Variants in CLASP2 observed in about 807,000 individuals in gnomAD.
CLASP2 encodes the protein CLIP-associating protein 2.
CLASP2 carries 47 observed loss-of-function variants against 194.4 expected under a neutral mutation model. The ratio of observed to expected loss-of-function variants is 0.24; its 90% CI spans 0.19 to 0.31. The LOEUF (loss-of-function observed/expected upper bound fraction) is 0.31. CLASP2 is among the 10% of genes least tolerant of loss of function. CLASP2 has a pLI of 1.00. For missense variants in CLASP2, 1,445 were observed against 1,823.6 expected, an observed-to-expected ratio of 0.79 and a Z score of 3.78; for synonymous variants, 619 against 633.5, an observed-to-expected ratio of 0.98 and a Z score of 0.34.
At chr3:33,573,523 G>A in intron 24 of CLASP2, 169 bp from the exon 25 acceptor site, 1 of 752,596 alleles carries the variant, frequency 1.3e-6, no homozygotes, top group Non-Finnish European at 2.3e-6. Flanking sequence ...CAGAAAACAA[G>A]TTTTAGAAGT....
chr3:33,681,124 CAAAAAA>C (rs10710771), intron 6 of CLASP2, among the ~76,000 whole-genome samples: 1 of 96,094 alleles, frequency 1.0e-5, no homozygotes, highest in Non-Finnish European at 2.2e-5. Flanking sequence ...GACTCCATCT[CAAAAAA>C]AAAAAAAAAA....
chr3:33,574,589 GAT>G (rs2064440501), intron 24 of CLASP2: 1 of 667,324 alleles, frequency 1.5e-6, no homozygotes, highest in Non-Finnish European at 2.5e-6. Flanking sequence ...CAATGCCTAT[GAT>G]CAGAAACATT....
At chr3:33,547,570 A>T (rs1026906783) in intron 30 of CLASP2, among the ~76,000 whole-genome samples, 1 of 152,162 alleles carries the variant, frequency 6.6e-6, no homozygotes, top group Non-Finnish European at 1.5e-5. Flanking sequence ...CATATTCATA[A>T]AGAGATGCTG....
intron 7 of CLASP2, among the ~76,000 whole-genome samples, chr3:33,658,342 C>A (rs965283947): frequency 2.0e-5 from 3 of 151,970 alleles, no homozygotes; most frequent in Non-Finnish European, 4.4e-5. Flanking sequence ...AACTATAATG[C>A]CTAATAAGGC....
intron 18 of CLASP2, among the ~76,000 whole-genome samples, chr3:33,599,503 C>G (rs958390127): frequency 1.3e-5 from 2 of 152,134 alleles, no homozygotes; most frequent in African/African-American, 4.8e-5. Flanking sequence ...ACTTCAAACT[C>G]AAAATGCATA....
intron 1 of CLASP2, among the ~76,000 whole-genome samples, chr3:33,697,565 C>G (rs891967916): frequency 6.6e-6 from 1 of 152,154 alleles, no homozygotes; most frequent in African/African-American, 2.4e-5. Context: ...CCATCATTGA[C>G]CACAATGTTG....
chr3:33,700,751 G>A (rs761733982), intron 1 of CLASP2, among the ~76,000 whole-genome samples: 3 of 152,162 alleles, frequency 2.0e-5, no homozygotes, highest in East Asian at 1.9e-4. Flanking sequence ...TCGGGAGGCC[G>A]AGGCAGGAGA....
intron 29 of CLASP2, among the ~76,000 whole-genome samples, chr3:33,552,221 C>A (rs963932266): frequency 6.6e-6 from 1 of 150,448 alleles, no homozygotes; most frequent in East Asian, 2.0e-4. Flanking sequence ...TGGGTTCAAA[C>A]GGCTCTCCTG....
chr3:33,559,130 A>C (rs543250151), intron 29 of CLASP2, 177 bp downstream of exon 29: 1 of 691,808 alleles, frequency 1.4e-6, no homozygotes, highest in East Asian at 2.7e-5. Context: ...AAAACCTTGG[A>C]GCTCCAAAAA....
intron 6 of CLASP2, among the ~76,000 whole-genome samples, chr3:33,672,610 G>A (rs1014685569): frequency 6.6e-6 from 1 of 152,226 alleles, no homozygotes; most frequent in East Asian, 1.9e-4. Context: ...ACTTTGACGA[G>A]TTGACAGAAG....
At chr3:33,508,167 A>G (rs1439721676) in intron 37 of CLASP2, among the ~76,000 whole-genome samples, 1 of 151,876 alleles carries the variant, frequency 6.6e-6, no homozygotes, top group Non-Finnish European at 1.5e-5. Flanking sequence ...CAACCCAGGT[A>G]AGAAAACCTG....
intron 10 of CLASP2, among the ~76,000 whole-genome samples, chr3:33,624,597 A>G (rs2077678827): frequency 6.6e-6 from 1 of 152,100 alleles, no homozygotes. Context: ...TTTTTTTTCT[A>G]TACATATTTA....
At chr3:33,574,869 T>G (rs746560650) in intron 24 of CLASP2, among the ~76,000 whole-genome samples, 4 of 152,170 alleles carry the variant, frequency 2.6e-5, no homozygotes, top group Non-Finnish European at 5.9e-5. Flanking sequence ...AAGTGGAACT[T>G]CTGTGCTCTG....
intron 26 of CLASP2, 75 bp from the exon 27 acceptor site, chr3:33,566,809 C>G (rs1371507384): frequency 2.4e-6 from 1 of 416,568 alleles, no homozygotes; most frequent in Middle Eastern, 6.6e-4. Context: ...ACAAATTAGT[C>G]GCCATCAATG....
chr3:33,659,101 A>G (rs2084835330), intron 7 of CLASP2: 10 of 1,492,872 alleles, frequency 6.7e-6, no homozygotes, highest in Non-Finnish European at 8.0e-6. Flanking sequence ...CACCCGGAGC[A>G]CTGTGTGACC....
rs1043306310 is a variant in CLASP2 at position 33,511,706 on chromosome 3, G to A, written c.4111-942C>T. 1.4e-4 allele frequency among the ~76,000 whole-genome samples: 19 copies of A among 131,530 alleles called. 3 individuals carry two copies. Among genetic ancestry groups the A allele is most frequent in the Admixed American group, 2.7e-4 (3 of 11,316 alleles). The allele number at this position is 131,530 out of a possible 152,430, so 86.3% of individuals were successfully genotyped here. A position where few individuals can be genotyped will look rare whatever the true frequency, so the allele number is the denominator to read the frequency against. On this transcript the variant is annotated intron_variant, in intron 36 of 38. Coordinates refer to ENST00000682230, the MANE Select transcript of CLASP2 (RefSeq NM_001365631.1). ...TCTCTAAAGATAGTCTTAAGAACACGTAAAAATAAAACAAACAACCCCATC... is the reference window on the plus strand; with the variant it reads ...TCTCTAAAGATAGTCTTAAGAACACATAAAAATAAAACAAACAACCCCATC...
rs1268859856 is a variant in CLASP2, at chr3:33,570,769, T to C, written c.2721A>G (p.Leu907=). 1 of 1,590,282 alleles carries C rather than the reference T, an allele frequency of 6.3e-7. No individual in the cohort carries two copies. Among genetic ancestry groups the C allele is most frequent in the African/African-American group, 1.3e-5 (1 of 74,264 alleles). The part of the protein sequence containing the change: ...RTLSRVELKR[L]CEIFTRMFAD... Reference sequence around the variant, plus strand: ...CAAACATTCTTGTGAAAATTTCACATAATCTTTTCAGTTCAACTCGACTGC... The same window carrying C: ...CAAACATTCTTGTGAAAATTTCACACAATCTTTTCAGTTCAACTCGACTGC... The change falls in exon 26 of 39, where the codon TTA becomes TTG. Residue 907 remains leucine, a synonymous_variant. Transcript: ENST00000682230.
rs368019020 is a variant in CLASP2 at position 33,520,958 on chromosome 3, C to T, written c.3788-3784G>A. On this transcript the variant is annotated intron_variant, in intron 34 of 38. Coordinates refer to ENST00000682230, the MANE Select transcript of CLASP2 (RefSeq NM_001365631.1). ...TCCAGATCTTAGCCTTTAAAATCAT[C>T]TTCCCTTAATAGGAACAATGGATCC... Among the ~76,000 whole-genome samples, 22 of 151,918 alleles carry T rather than the reference C, an allele frequency of 1.4e-4. No individual in the cohort carries two copies. The East Asian group carries it at 2.5e-3, about 17-fold the overall frequency.
chr3:33,543,374 A>G (rs2058680742), intron 32 of CLASP2, 59 bp downstream of exon 32: 3 of 1,216,596 alleles, frequency 2.5e-6, no homozygotes, highest in Non-Finnish European at 2.4e-6. Flanking sequence ...CTCTGTCTCA[A>G]AAAGAAAGAA....
Sources: gnomAD v4.1 joint callset for allele counts (sites outside exome capture counted in the v4.1 genomes callset) on GRCh38, gnomAD v4.1.1 for gene constraint, MANE v1.5 for transcripts, NCBI Gene and HGNC (gene_info 2026-07-23, HGNC 2026-07-21) for gene names.